TDRD5: variants seen among roughly 807,000 people sequenced by gnomAD.
TDRD5 encodes the protein tudor domain-containing protein 5.
In TDRD5, 41 loss-of-function variants were observed where a neutral mutation model predicts 120.6. The observed-to-expected ratio is 0.34, with a 90% confidence interval of 0.26 to 0.44. The LOEUF is 0.44. Ranked by LOEUF, TDRD5 falls within the 20% of genes least tolerant of loss-of-function variation. The pLI, the probability that TDRD5 is intolerant of heterozygous loss-of-function variation, is 1.00. For synonymous variants in TDRD5, 430 were observed against 433.7 expected, an observed-to-expected ratio of 0.99 and a Z score of 0.11; for missense variants, 1,006 against 1,221.2, an observed-to-expected ratio of 0.82 and a Z score of 2.63.
chr1:179,621,665 A>G (rs1558384997), intron 6 of TDRD5, among the ~76,000 whole-genome samples: 1 of 152,180 alleles, frequency 6.6e-6, no homozygotes, highest in Non-Finnish European at 1.5e-5. Flanking sequence ...CTGCTCTGCA[A>G]CGTGGATCAT....
chr1:179,643,661 A>G (rs1678176626), intron 11 of TDRD5, among the ~76,000 whole-genome samples: 1 of 152,198 alleles, frequency 6.6e-6, no homozygotes, highest in African/African-American at 2.4e-5. Flanking sequence ...GAAGAGCATA[A>G]AAAATAATTA....
At chr1:179,637,380 T>C (rs143503762) in intron 9 of TDRD5, among the ~76,000 whole-genome samples, 24 of 152,318 alleles carry the variant, frequency 1.6e-4, no homozygotes, top group African/African-American at 4.8e-4. Flanking sequence ...GAGATAATGA[T>C]AGTACCTACT....
intron 17 of TDRD5, among the ~76,000 whole-genome samples, chr1:179,677,415 G>A (rs1268062196): frequency 6.6e-6 from 1 of 152,050 alleles, no homozygotes; most frequent in Non-Finnish European, 1.5e-5. Context: ...TTTTAGGGGT[G>A]TTAAAGAACC....
upstream of TDRD5, chr1:179,591,722 C>T (rs1675112060): frequency 6.6e-6 from 1 of 152,358 alleles, no homozygotes; most frequent in Non-Finnish European, 1.5e-5. Flanking sequence ...GGACCTCACA[C>T]CTGACCCCGG....
At position 179,628,324 on chromosome 1, in the gene TDRD5, C is replaced by CTTTTTT. The variant is rs71569258; in HGVS notation, c.973-2422_973-2417dup. ...TTATTTATTTCTTTTCTTTTCTTTT[C>CTTTTTT]TTTTTTTTTTTTTTTTTTTTTTTTT... On this transcript the variant is annotated intron_variant, in intron 6 of 17. Transcript: ENST00000444136. Among the ~76,000 whole-genome samples the CTTTTTT allele has an allele frequency of 1.8e-3, 100 of 54,610 alleles. 2 individuals carry two copies. Among genetic ancestry groups the CTTTTTT allele is most frequent in the African/African-American group, 5.0e-3 (69 of 13,748 alleles). 35.8% of individuals were successfully genotyped at this position (54,610 alleles called of 152,430 possible). A position where few individuals can be genotyped will look rare whatever the true frequency, so the allele number is the denominator to read the frequency against.
intron 17 of TDRD5, 149 bp downstream of exon 17, chr1:179,669,553 G>T: frequency 1.0e-6 from 1 of 961,104 alleles, no homozygotes; most frequent in Non-Finnish European, 1.5e-6. Context: ...TTTTATGTTT[G>T]GGCTCAATTG....
intron 4 of TDRD5, among the ~76,000 whole-genome samples, chr1:179,608,142 ATGTC>A (rs1211088439): frequency 6.6e-6 from 1 of 151,892 alleles, no homozygotes; most frequent in African/African-American, 2.4e-5. Flanking sequence ...GTTTCTGACA[ATGTC>A]TGTAATAATT....
chr1:179,675,907 G>GT (rs1680120904), intron 17 of TDRD5, among the ~76,000 whole-genome samples: 1 of 152,120 alleles, frequency 6.6e-6, no homozygotes. Context: ...TAAGTCCACT[G>GT]TTTCTTTGTT....
chr1:179,670,200 G>A (rs996882461), intron 17 of TDRD5, among the ~76,000 whole-genome samples: 1 of 152,036 alleles, frequency 6.6e-6, no homozygotes, highest in Non-Finnish European at 1.5e-5. Flanking sequence ...GACCAGCCTG[G>A]CCAAGATGAT....
intron 17 of TDRD5, among the ~76,000 whole-genome samples, chr1:179,683,809 A>AT (rs34953163): frequency 4.0e-5 from 6 of 150,870 alleles, no homozygotes; most frequent in South Asian, 2.1e-4. Flanking sequence ...GCTCACCTGA[A>AT]TTTTTTTTTT....
chr1:179,673,483 TGCCCAAG>T (rs1679960597), intron 17 of TDRD5, among the ~76,000 whole-genome samples: 1 of 152,176 alleles, frequency 6.6e-6, no homozygotes, highest in Admixed American at 6.5e-5. Flanking sequence ...TGATGACATG[TGCCCAAG>T]GTGGTCAGGG....
chr1:179,669,712 G>A (rs935421751), intron 17 of TDRD5, among the ~76,000 whole-genome samples: 1 of 152,138 alleles, frequency 6.6e-6, no homozygotes, highest in Admixed American at 6.5e-5. Flanking sequence ...CGTCATCACA[G>A]CCATAATCAT....
At chr1:179,597,336 T>TC (rs935725819) in intron 4 of TDRD5, among the ~76,000 whole-genome samples, 3 of 146,078 alleles carry the variant, frequency 2.1e-5, no homozygotes, top group Non-Finnish European at 4.6e-5. Flanking sequence ...TTTTTTCTTT[T>TC]TTTTTTTTTT....
At position 179,676,293 on chromosome 1, in the gene TDRD5, T is replaced by C. The variant is rs549554711; in HGVS notation, c.2860+6889T>C. Among the ~76,000 whole-genome samples, 4 of 152,360 alleles carry C rather than the reference T, an allele frequency of 2.6e-5. No homozygotes were observed. In the South Asian group the frequency reaches 8.3e-4, roughly 32 times the overall value. Reference sequence around the variant, plus strand: ...AGGCAGCAGAAACTTGGTTGGTGAATTCTTATCCATTCTGCAGTTCTGTAT... The same window carrying C: ...AGGCAGCAGAAACTTGGTTGGTGAACTCTTATCCATTCTGCAGTTCTGTAT... On this transcript the variant is annotated intron_variant, in intron 17 of 17. Transcript: ENST00000444136.
At chr1:179,679,788 G>A in intron 17 of TDRD5, among the ~76,000 whole-genome samples, 1 of 151,076 alleles carries the variant, frequency 6.6e-6, no homozygotes, top group East Asian at 1.9e-4. Context: ...CCAGATTTTT[G>A]GTTCCATTGA....
chr1:179,670,708 C>G (rs1244684967), intron 17 of TDRD5, among the ~76,000 whole-genome samples: 1 of 152,158 alleles, frequency 6.6e-6, no homozygotes, highest in Non-Finnish European at 1.5e-5. Flanking sequence ...CATATATCTT[C>G]TTTAGCTAAG....
intron 11 of TDRD5, among the ~76,000 whole-genome samples, chr1:179,645,777 A>G (rs1242875667): frequency 2.0e-5 from 3 of 152,182 alleles, no homozygotes; most frequent in Non-Finnish European, 4.4e-5. Flanking sequence ...CATATACAAT[A>G]CCAAAATTGT....
At chr1:179,679,726 G>GT (rs200709462) in intron 17 of TDRD5, among the ~76,000 whole-genome samples, 7 of 151,202 alleles carry the variant, frequency 4.6e-5, no homozygotes, top group Admixed American at 2.0e-4. Flanking sequence ...CCATCTAGAG[G>GT]TTTTTCCCCC....
At position 179,663,401 on chromosome 1, in the gene TDRD5, A is replaced by G. The variant is rs72706766; in HGVS notation, c.2559A>G (p.Ser853=). 45,368 of 1,613,630 alleles carry G rather than the reference A, an allele frequency of 0.028. 945 individuals carry two copies. Among genetic ancestry groups the G allele is most frequent in the East Asian group, 0.088 (3,948 of 44,820 alleles). Residue 853 remains serine, a synonymous_variant, in exon 16 of 18, where the codon TCA becomes TCG. Transcript: ENST00000444136. ...KDTWDDSWQP[S]GLVNGTKVEV... ...CATGGGATGATTCTTGGCAGCCTTC[A>G]GGCCTTGTAAATGGAACGAAAGTAG...
Sources: allele counts gnomAD v4.1 joint callset (sites outside exome capture counted in the v4.1 genomes callset), GRCh38; gene constraint gnomAD v4.1.1; transcripts MANE v1.5; gene names NCBI Gene and HGNC (gene_info 2026-07-23, HGNC 2026-07-21).